Variants in SGK1 observed in about 807,000 individuals in gnomAD.
SGK1 encodes the protein serine/threonine-protein kinase Sgk1.
SGK1 carries 26 observed loss-of-function variants against 64.2 expected under a neutral mutation model. The ratio of observed to expected loss-of-function variants is 0.40; its 90% CI spans 0.30 to 0.56. The LOEUF (loss-of-function observed/expected upper bound fraction) is 0.56, where lower values mean the gene tolerates loss of function less well. Among genes scored for constraint, SGK1 ranks in the 20% least tolerant of loss-of-function variants. The pLI is 0.38. For missense variants in SGK1, 519 were observed against 645.6 expected (o/e 0.80, Z 2.12); for synonymous variants, 265 against 239.7 (o/e 1.11, Z -0.98).
chr6:134,174,896 A>G, intron 3 of SGK1: 1 of 1,584,890 alleles, frequency 6.3e-7, no homozygotes, highest in Non-Finnish European at 8.6e-7. Flanking sequence ...CTTATAAAAA[A>G]GGCACCGCCG....
At chr6:134,232,417 A>AGAG (rs1776296287) in intron 2 of SGK1, among the ~76,000 whole-genome samples, 1 of 21,506 alleles carries the variant, frequency 4.6e-5, no homozygotes. Flanking sequence ...AAGAAAGAGA[A>AGAG]AGAAAGAAAG....
Position 134,271,292 on chromosome 6 carries a change from C to G in SGK1, c.70-9144G>C, listed in dbSNP as rs915280023. 4.3e-5 allele frequency among the ~76,000 whole-genome samples: 6 copies of G among 139,916 alleles called. 1 individual carries two copies. The South Asian group carries it at 1.4e-3, about 33-fold the overall frequency. 91.8% of individuals were successfully genotyped at this position (139,916 alleles called of 152,430 possible). Reference sequence around the variant, plus strand: ...CGAGATTGCACCACTAGACTCCAGTCTGCAGAGTGAAACTGTCTCAAAAAA... The same window carrying G: ...CGAGATTGCACCACTAGACTCCAGTGTGCAGAGTGAAACTGTCTCAAAAAA... On this transcript the variant is annotated intron_variant, in intron 1 of 13. Transcript: ENST00000367858.
intron 3 of SGK1, among the ~76,000 whole-genome samples, chr6:134,190,726 C>A (rs1299951607): frequency 6.6e-6 from 1 of 152,158 alleles, no homozygotes; most frequent in East Asian, 1.9e-4. Flanking sequence ...CTCAGGACTG[C>A]TATTCCTTTT....
In SGK1 at chr6:134,261,971, TCTCCTGAGGGAGAAC is replaced by T; in HGVS notation, c.232_246del (p.Val78_Glu82del). 1 of 1,613,844 alleles carries T rather than the reference TCTCCTGAGGGAGAAC, an allele frequency of 6.2e-7. No individual in the cohort carries two copies. Among genetic ancestry groups the T allele is most frequent in the South Asian group, 1.1e-5 (1 of 91,084 alleles). ...TGAGTTTCCCATGAACATGACTCGTTCTCCTGAGGGAGAACCCCTCTTTGGAAAGCATGTTCACCC... is the reference window on the plus strand; with the variant it reads ...TGAGTTTCCCATGAACATGACTCGTTCCCTCTTTGGAAAGCATGTTCACCC... On this transcript the variant is annotated inframe_deletion, in exon 2 of 14. Coordinates refer to ENST00000367858, the MANE Select transcript of SGK1 (RefSeq NM_001143676.3).
Position 134,239,890 on chromosome 6 carries a change from C to G in SGK1, c.285+22043G>C, listed in dbSNP as rs191245748. 2.6e-3 allele frequency among the ~76,000 whole-genome samples: 397 copies of G among 152,202 alleles called. 3 individuals carry two copies. Among genetic ancestry groups the G allele is most frequent in the Non-Finnish European group, 4.8e-3 (325 of 68,006 alleles). On this transcript the variant is annotated intron_variant, in intron 2 of 13. Transcript: ENST00000367858. Reference sequence around the variant, plus strand: ...AGGCAGACATGCAGCTTCAGCAGACCATGATGGTGAGGCAGTGGATAAGAG... The same window carrying G: ...AGGCAGACATGCAGCTTCAGCAGACGATGATGGTGAGGCAGTGGATAAGAG...
At chr6:134,217,552 C>T (rs555497256) in intron 2 of SGK1, among the ~76,000 whole-genome samples, 19 of 152,096 alleles carry the variant, frequency 1.2e-4, no homozygotes, top group African/African-American at 2.7e-4. Context: ...CACACCACAC[C>T]GGTCAAGATG....
At chr6:134,241,048 C>CTT (rs10686058) in intron 2 of SGK1, among the ~76,000 whole-genome samples, 3,302 of 73,870 alleles carry the variant, frequency 0.045, 202 homozygotes, top group African/African-American at 0.1. Context: ...TTCTTTTTTT[C>CTT]TTTTTTTTTT....
intron 2 of SGK1, among the ~76,000 whole-genome samples, chr6:134,254,069 A>G (rs955786533): frequency 1.3e-5 from 2 of 151,032 alleles, no homozygotes; most frequent in Admixed American, 1.3e-4. Flanking sequence ...AGCATGGGCT[A>G]CAGAGTTTTC....
rs551707577 is a variant in SGK1, at chr6:134,224,881, C to T, written c.286-17450G>A. ...ATAAAAACACAAAAAATTAGCCAGG[C>T]GTGGTAGCACATGCCTGTAATCGCA... is the stretch of plus-strand genomic sequence containing the variant. On this transcript the variant is annotated intron_variant, in intron 2 of 13. Coordinates refer to ENST00000367858, the MANE Select transcript of SGK1 (RefSeq NM_001143676.3). Among the ~76,000 whole-genome samples, 6 of 151,176 alleles carry T rather than the reference C, an allele frequency of 4.0e-5. No homozygotes were observed. The East Asian group carries it at 7.9e-4, about 20-fold the overall frequency.
At chr6:134,303,287 G>T (rs1777486312) in intron 1 of SGK1, among the ~76,000 whole-genome samples, 1 of 151,990 alleles carries the variant, frequency 6.6e-6, no homozygotes, top group South Asian at 2.1e-4. Flanking sequence ...AGCTACTCAG[G>T]AGGCTGAGGC....
At chr6:134,206,869 G>GAAA (rs554857623) in intron 3 of SGK1, among the ~76,000 whole-genome samples, 3 of 81,928 alleles carry the variant, frequency 3.7e-5, no homozygotes, top group African/African-American at 1.3e-4. Context: ...TCCGTCTCCA[G>GAAA]AAAAAAAAAA....
At chr6:134,174,293 G>A in intron 4 of SGK1, 3 of 600,854 alleles carry the variant, frequency 5.0e-6, no homozygotes, top group South Asian at 4.2e-5. Flanking sequence ...CCGTGAATTC[G>A]GCCAACACGA....
intron 8 of SGK1, 83 bp from the exon 9 acceptor site, chr6:134,172,857 G>A (rs984450511): frequency 4.1e-6 from 5 of 1,230,296 alleles, no homozygotes; most frequent in Non-Finnish European, 6.0e-6. Flanking sequence ...ACAACTGCAG[G>A]AAGTGGCCCC....
At chr6:134,187,305 A>G (rs530981519) in intron 3 of SGK1, among the ~76,000 whole-genome samples, 2 of 151,974 alleles carry the variant, frequency 1.3e-5, no homozygotes, top group Admixed American at 1.3e-4. Flanking sequence ...CTCCGGAAGC[A>G]CTCCTCCCTC....
intron 2 of SGK1, among the ~76,000 whole-genome samples, chr6:134,211,293 T>C (rs1211943659): frequency 6.6e-6 from 1 of 152,224 alleles, no homozygotes; most frequent in Non-Finnish European, 1.5e-5. Context: ...GTGGAATTTT[T>C]TTTTGTAATT....
intron 2 of SGK1, among the ~76,000 whole-genome samples, chr6:134,221,435 G>A (rs1031658224): frequency 6.6e-6 from 1 of 152,152 alleles, no homozygotes; most frequent in Non-Finnish European, 1.5e-5. Flanking sequence ...TCTTTGCCTA[G>A]CCTTCCACAC....
Position 134,206,155 on chromosome 6 carries a change from A to G in SGK1, c.361+1201T>C, listed in dbSNP as rs150810102. On this transcript the variant is annotated intron_variant, in intron 3 of 13. Coordinates refer to ENST00000367858, the MANE Select transcript of SGK1 (RefSeq NM_001143676.3). ...GTGCAAGTATACATGCCCTCCCATA[A>G]GTATTCTGAAGTATGATTCACCCTA... Among the ~76,000 whole-genome samples the G allele has an allele frequency of 5.2e-3, 796 of 151,692 alleles. 8 individuals carry two copies. The highest frequency in any genetic ancestry group is 0.018 in the African/African-American group (764 of 41,394).
intron 1 of SGK1, among the ~76,000 whole-genome samples, chr6:134,302,511 G>C (rs763858879): frequency 6.6e-5 from 10 of 152,098 alleles, no homozygotes; most frequent in Non-Finnish European, 1.2e-4. Flanking sequence ...TAAAATCCCA[G>C]AGCACAGAGG....
intron 2 of SGK1, among the ~76,000 whole-genome samples, chr6:134,247,567 C>T (rs1402172102): frequency 2.0e-5 from 3 of 152,212 alleles, no homozygotes; most frequent in Non-Finnish European, 4.4e-5. Flanking sequence ...TGAACTTGCA[C>T]ATCCTCTCAA....
Sources: gnomAD v4.1 joint callset for allele counts (sites outside exome capture counted in the v4.1 genomes callset) on GRCh38, gnomAD v4.1.1 for gene constraint, MANE v1.5 for transcripts, NCBI Gene and HGNC (gene_info 2026-07-23, HGNC 2026-07-21) for gene names.